The following TTLL5 variants were observed in gnomAD, a reference collection of about 807,000 sequenced individuals.
The protein encoded by TTLL5 is tubulin polyglutamylase TTLL5.
TTLL5 carries 132 observed loss-of-function variants against 168.4 expected under a neutral mutation model. The ratio of observed to expected loss-of-function variants is 0.78; its 90% CI spans 0.68 to 0.91. TTLL5 has a LOEUF of 0.91. TTLL5 is among the 40% of genes least tolerant of loss of function. TTLL5 has a pLI of 0.00. For missense variants in TTLL5, 1,545 were observed against 1,581.5 expected, an observed-to-expected ratio of 0.98 and a Z score of 0.39; for synonymous variants, 546 against 558.6, an observed-to-expected ratio of 0.98 and a Z score of 0.32.
chr14:75,721,350 A>G (rs1170609979), intron 12 of TTLL5, among the ~76,000 whole-genome samples: 1 of 152,174 alleles, frequency 6.6e-6, no homozygotes, highest in Non-Finnish European at 1.5e-5. Flanking sequence ...ATTGCTTCCT[A>G]TGTGGAAATG....
chr14:75,844,703 G>A (rs996336011), intron 28 of TTLL5, among the ~76,000 whole-genome samples: 1 of 152,184 alleles, frequency 6.6e-6, no homozygotes, highest in African/African-American at 2.4e-5. Context: ...GATGGTAGTG[G>A]TGGTGAGACT....
At chr14:75,898,965 A>G (rs984204841) in intron 30 of TTLL5, among the ~76,000 whole-genome samples, 1 of 152,318 alleles carries the variant, frequency 6.6e-6, no homozygotes, top group Middle Eastern at 3.4e-3. Flanking sequence ...GTTTAGCACT[A>G]ATATTTCAGA....
chr14:75,821,207 A>G (rs952667985), intron 28 of TTLL5, among the ~76,000 whole-genome samples: 1 of 152,196 alleles, frequency 6.6e-6, no homozygotes, highest in Non-Finnish European at 1.5e-5. Flanking sequence ...ACATTACATC[A>G]TCCTGCGGTA....
rs76437538 is a variant in TTLL5, at chr14:75,810,966, T to C, written c.3172-9041T>C. Among the ~76,000 whole-genome samples the C allele has an allele frequency of 9.0e-3, 1,371 of 152,268 alleles. 11 individuals are homozygous for C. Among genetic ancestry groups the C allele is most frequent in the Middle Eastern group, 0.051 (15 of 294 alleles). ...CTAGTCACTGATCATTTTATTTCCC[T>C]GAATTCTAAAGCAGTCCCTCCCTTG... On this transcript the variant is annotated intron_variant, in intron 27 of 31. Coordinates refer to ENST00000298832, the MANE Select transcript of TTLL5 (RefSeq NM_015072.5).
At chr14:75,849,836 C>G (rs565154414) in intron 28 of TTLL5, among the ~76,000 whole-genome samples, 1 of 152,116 alleles carries the variant, frequency 6.6e-6, no homozygotes, top group Admixed American at 6.5e-5. Context: ...TGTGGTGGCT[C>G]ACACCTGTAA....
chr14:75,727,924 T>C, intron 12 of TTLL5: 1 of 444,858 alleles, frequency 2.2e-6, no homozygotes. Flanking sequence ...GGAAACATTC[T>C]ATGTGGGCTG....
chr14:75,838,203 A>G (rs539630190), intron 28 of TTLL5: 5 of 152,274 alleles, frequency 3.3e-5, no homozygotes, highest in South Asian at 2.1e-4. Flanking sequence ...TGAATTCCCA[A>G]TTAGGTGATT....
intron 27 of TTLL5, among the ~76,000 whole-genome samples, chr14:75,804,704 GA>G (rs1174137561): frequency 6.6e-6 from 1 of 152,136 alleles, no homozygotes; most frequent in African/African-American, 2.4e-5. Context: ...AGGGTAAATA[GA>G]AAAAGGCATA....
rs775778847 is a variant in TTLL5, at chr14:75,863,849, G to A, written c.3509G>A (p.Arg1170Gln). Residue 1170 changes from arginine to glutamine, a missense_variant, in exon 29 of 32, where the codon CGA (arginine) becomes CAA (glutamine). Transcript: ENST00000298832. ...LQSRQLLDQS[R>Q]ARHQAIFGSQ... ...TCCCGGCAGCTCCTGGACCAGAGTCGAGCCCGGCACCAGGTAATTCAAGAT... is the reference window on the plus strand; with the variant it reads ...TCCCGGCAGCTCCTGGACCAGAGTCAAGCCCGGCACCAGGTAATTCAAGAT... 9 of 1,514,944 alleles carry A rather than the reference G, an allele frequency of 5.9e-6. No individual in the cohort carries two copies. The highest frequency in any genetic ancestry group is 2.5e-5 in the East Asian group (1 of 40,398). 93.8% of individuals were successfully genotyped at this position (1,514,944 alleles called of 1,614,324 possible).
intron 27 of TTLL5, among the ~76,000 whole-genome samples, chr14:75,811,080 A>G (rs1028557066): frequency 2.0e-5 from 3 of 149,840 alleles, no homozygotes; most frequent in Non-Finnish European, 4.4e-5. Context: ...CAACTGGTGA[A>G]ACTAGCTGCT....
chr14:75,775,248 C>T (rs1595017122), intron 21 of TTLL5, among the ~76,000 whole-genome samples: 2 of 152,018 alleles, frequency 1.3e-5, no homozygotes, highest in Admixed American at 6.5e-5. Context: ...TACATACATA[C>T]TTGATTTAAA....
chr14:75,908,740 G>A (rs1027694379), intron 31 of TTLL5, among the ~76,000 whole-genome samples: 4 of 152,052 alleles, frequency 2.6e-5, no homozygotes, highest in Middle Eastern at 3.4e-3. Flanking sequence ...TTCATCAGAG[G>A]GCTAATTATA....
At chr14:75,727,433 A>G (rs1228614593) in intron 12 of TTLL5, among the ~76,000 whole-genome samples, 4 of 152,240 alleles carry the variant, frequency 2.6e-5, no homozygotes, top group Non-Finnish European at 1.5e-5. Flanking sequence ...TAAGTGAAAG[A>G]AGCCAGTTTC....
At chr14:75,950,659 AT>A (rs1181364463) in intron 31 of TTLL5, among the ~76,000 whole-genome samples, 1 of 152,184 alleles carries the variant, frequency 6.6e-6, no homozygotes, top group African/African-American at 2.4e-5. Flanking sequence ...TATGTTTGAA[AT>A]TTTTTATTTT....
chr14:75,915,806 C>T (rs966267778), intron 31 of TTLL5, among the ~76,000 whole-genome samples: 1 of 151,844 alleles, frequency 6.6e-6, no homozygotes, highest in Non-Finnish European at 1.5e-5. Flanking sequence ...GATACCACCT[C>T]ACACCTTTAG....
At chr14:75,793,310 T>A (rs1269715777) in intron 27 of TTLL5, among the ~76,000 whole-genome samples, 1 of 152,182 alleles carries the variant, frequency 6.6e-6, no homozygotes. Context: ...GTGAAGTAAG[T>A]CTGCTACTGG....
At chr14:75,912,252 C>G (rs978765655) in intron 31 of TTLL5, among the ~76,000 whole-genome samples, 1 of 152,130 alleles carries the variant, frequency 6.6e-6, no homozygotes, top group Non-Finnish European at 1.5e-5. Flanking sequence ...GCAAAGTGCC[C>G]CTGGTGGGCA....
chr14:75,770,171 T>A (rs756859680), intron 20 of TTLL5, among the ~76,000 whole-genome samples: 137 of 111,846 alleles, frequency 1.2e-3, no homozygotes, highest in Non-Finnish European at 2.2e-3. Context: ...AGAGCAAAAC[T>A]CTGTCTCGAA....
chr14:75,727,906 G>A (rs918781615), intron 12 of TTLL5: 6 of 465,720 alleles, frequency 1.3e-5, no homozygotes, highest in South Asian at 9.3e-5. Flanking sequence ...GAGTCCTTTT[G>A]GGGTGATGGA....
Sources: gnomAD v4.1 joint callset for allele counts (sites outside exome capture counted in the v4.1 genomes callset) on GRCh38, gnomAD v4.1.1 for gene constraint, MANE v1.5 for transcripts, NCBI Gene and HGNC (gene_info 2026-07-23, HGNC 2026-07-21) for gene names.